Variants in ZMYM2 observed in about 807,000 individuals in gnomAD.
The protein encoded by ZMYM2 is zinc finger MYM-type protein 2.
A neutral mutation model predicts 162.8 loss-of-function variants in ZMYM2; 56 were observed. The ratio of observed to expected loss-of-function variants is 0.34; its 90% CI spans 0.28 to 0.43. The LOEUF (loss-of-function observed/expected upper bound fraction) is 0.43, where lower values mean the gene tolerates loss of function less well. Ranked by LOEUF, ZMYM2 falls within the 20% of genes least tolerant of loss-of-function variation. The pLI is 1.00. For synonymous variants in ZMYM2, 510 were observed against 541.6 expected, an observed-to-expected ratio of 0.94 and a Z score of 0.81; for missense variants, 1,275 against 1,621.8, an observed-to-expected ratio of 0.79 and a Z score of 3.67.
the ZMYM2 span, among the ~76,000 whole-genome samples, chr13:19,929,109 C>A: frequency 6.6e-6 from 1 of 152,184 alleles, no homozygotes; most frequent in East Asian, 1.9e-4. Flanking sequence ...TACTAATGTG[C>A]CTTTAGATTC....
chr13:19,922,194 C>T, the ZMYM2 span, among the ~76,000 whole-genome samples: 2 of 152,150 alleles, frequency 1.3e-5, no homozygotes, highest in East Asian at 1.9e-4. Context: ...GGATTATAGG[C>T]GTGAGCCACC....
chr13:19,885,845 C>T, the ZMYM2 span, among the ~76,000 whole-genome samples: 1 of 32,308 alleles, frequency 3.1e-5, no homozygotes, highest in Non-Finnish European at 1.1e-4. Context: ...GAAACTCTGT[C>T]TCAAAAAAAA....
intron 3 of ZMYM2, among the ~76,000 whole-genome samples, 158 bp downstream of exon 3, chr13:19,994,077 T>A (rs137857112): frequency 7.9e-5 from 12 of 152,380 alleles, no homozygotes; most frequent in South Asian, 6.2e-4. Context: ...TTAATAAGAA[T>A]TGTAAAACCA....
intron 21 of ZMYM2, 51 bp from the exon 22 acceptor site, chr13:20,081,961 ATAAT>A: frequency 8.8e-7 from 1 of 1,131,634 alleles, no homozygotes; most frequent in Non-Finnish European, 1.2e-6. Context: ...TATGTTTACT[ATAAT>A]TAGCTGATTT....
chr13:19,899,810 C>G, the ZMYM2 span, among the ~76,000 whole-genome samples: 1 of 52,142 alleles, frequency 1.9e-5, no homozygotes, highest in East Asian at 5.6e-4. Context: ...GACCAGGACT[C>G]TGACTCAAAA....
At chr13:19,919,680 C>CT in the ZMYM2 span, among the ~76,000 whole-genome samples, 2,626 of 137,276 alleles carry the variant, frequency 0.019, 94 homozygotes, top group African/African-American at 0.065. Context: ...TTTTCTTTTT[C>CT]TTTTTTTTTT....
At chr13:19,977,265 G>A (rs1161767401) in intron 2 of ZMYM2, among the ~76,000 whole-genome samples, 3 of 152,024 alleles carry the variant, frequency 2.0e-5, no homozygotes, top group Non-Finnish European at 2.9e-5. Context: ...AGGTGATCCT[G>A]CTGCTTTCGG....
At chr13:19,866,213 CTG>C in the ZMYM2 span, among the ~76,000 whole-genome samples, 1 of 150,222 alleles carries the variant, frequency 6.7e-6, no homozygotes, top group African/African-American at 2.4e-5. Flanking sequence ...CACAGCAAGA[CTG>C]TATCTCAAAA....
chr13:19,988,992 T>G (rs903834993), intron 2 of ZMYM2, among the ~76,000 whole-genome samples: 2 of 152,108 alleles, frequency 1.3e-5, no homozygotes, highest in African/African-American at 4.8e-5. Context: ...AACTCTAGAT[T>G]AAAGCAGAAT....
the ZMYM2 span, among the ~76,000 whole-genome samples, chr13:19,914,354 T>C: frequency 4.6e-5 from 7 of 152,234 alleles, no homozygotes; most frequent in African/African-American, 1.7e-4. Flanking sequence ...TTGTTGTCCA[T>C]TGGGCTCATG....
the ZMYM2 span, among the ~76,000 whole-genome samples, chr13:19,880,522 G>T: frequency 6.6e-6 from 1 of 151,978 alleles, no homozygotes. Flanking sequence ...TCCGCCTCCT[G>T]GGTTCAAGCA....
At chr13:20,057,018 G>A (rs1350031719) in intron 14 of ZMYM2, among the ~76,000 whole-genome samples, 3 of 152,186 alleles carry the variant, frequency 2.0e-5, no homozygotes, top group Non-Finnish European at 2.9e-5. Flanking sequence ...GCACATCAAA[G>A]GTTGAGAGGT....
intron 19 of ZMYM2, chr13:20,066,608 G>A (rs2140880167): frequency 5.6e-6 from 2 of 359,734 alleles, no homozygotes; most frequent in South Asian, 2.2e-4. Flanking sequence ...AGTTGAGTAG[G>A]CTGAGGAGGA....
At chr13:19,957,819 C>A (rs1415848730), upstream of ZMYM2, among the ~76,000 whole-genome samples, 1 of 152,184 alleles carries the variant, frequency 6.6e-6, no homozygotes, top group Non-Finnish European at 1.5e-5. Context: ...CAGGGGAGCC[C>A]GCAGCTCCCT....
the ZMYM2 span, among the ~76,000 whole-genome samples, chr13:19,910,050 A>C: frequency 2.0e-5 from 1 of 50,724 alleles, no homozygotes; most frequent in African/African-American, 4.3e-5. Flanking sequence ...CCCCATCTCT[A>C]GTAAAAAAAA....
chr13:20,042,324 T>G (rs1669396590), intron 12 of ZMYM2, among the ~76,000 whole-genome samples: 1 of 152,076 alleles, frequency 6.6e-6, no homozygotes, highest in African/African-American at 2.4e-5. Flanking sequence ...GCTCTGAGAG[T>G]CTTTCTTCCG....
In ZMYM2 at chr13:20,077,762, T is replaced by TA. The variant is rs1471384807; in HGVS notation, c.3454-4253dup. On this transcript the variant is annotated intron_variant, in intron 21 of 24. Coordinates refer to ENST00000610343, the MANE Select transcript of ZMYM2 (RefSeq NM_197968.4). ...TGAGGGCTGCGGTAAGTAAGAGTCA[T>TA]ACCACAAAGGCCTCTATTCCTTGAT... Among the ~76,000 whole-genome samples the TA allele has an allele frequency of 3.3e-5, 5 of 152,182 alleles. No homozygotes were observed. The East Asian group carries it at 7.7e-4, about 24-fold the overall frequency.
At chr13:20,037,027 C>T in intron 12 of ZMYM2, 118 bp downstream of exon 12, 1 of 884,236 alleles carries the variant, frequency 1.1e-6, no homozygotes, top group Non-Finnish European at 1.6e-6. Flanking sequence ...TAAGGCCCAG[C>T]CCTGATAATA....
chr13:20,049,647 C>T (rs1305481264), intron 12 of ZMYM2, among the ~76,000 whole-genome samples: 2 of 152,034 alleles, frequency 1.3e-5, no homozygotes, highest in African/African-American at 4.8e-5. Context: ...GGTTGTCTGC[C>T]TTTTGAATCC....
Sources: allele counts gnomAD v4.1 joint callset (sites outside exome capture counted in the v4.1 genomes callset), GRCh38; gene constraint gnomAD v4.1.1; transcripts MANE v1.5; gene names NCBI Gene and HGNC (gene_info 2026-07-23, HGNC 2026-07-21).